Variants in BRD4 observed in about 807,000 individuals in gnomAD.
The protein encoded by BRD4 is bromodomain containing 4.
BRD4 carries 16 observed loss-of-function variants against 142.1 expected under a neutral mutation model. That is an observed-to-expected ratio of 0.11 (90% CI 0.08 to 0.17). The LOEUF is 0.17. Ranked by LOEUF, BRD4 falls within the 10% of genes least tolerant of loss-of-function variation. The pLI, the probability that BRD4 is intolerant of heterozygous loss-of-function variation, is 1.00. For synonymous variants in BRD4, 833 were observed against 707.5 expected, an observed-to-expected ratio of 1.18 and a Z score of -2.82; for missense variants, 1,424 against 1,810.9, an observed-to-expected ratio of 0.79 and a Z score of 3.88.
chr19:15,317,012 A>G (rs1024949957), intron 1 of BRD4, among the ~76,000 whole-genome samples: 4 of 152,214 alleles, frequency 2.6e-5, no homozygotes, highest in African/African-American at 9.7e-5. Flanking sequence ...CCCTGTGCTC[A>G]CTACGTATCA....
At chr19:15,266,231 A>C (rs1279906298) in intron 4 of BRD4, among the ~76,000 whole-genome samples, 1 of 152,218 alleles carries the variant, frequency 6.6e-6, no homozygotes, top group Non-Finnish European at 1.5e-5. Flanking sequence ...GTGAGGGGTT[A>C]TGGCCAGAGC....
intron 1 of BRD4, among the ~76,000 whole-genome samples, chr19:15,305,143 C>G (rs920649573): frequency 2.0e-5 from 3 of 151,786 alleles, no homozygotes; most frequent in Non-Finnish European, 4.4e-5. Flanking sequence ...CTCAGCCTCC[C>G]GAGTAGCTGG....
chr19:15,300,811 A>G (rs2047860959), intron 1 of BRD4, among the ~76,000 whole-genome samples: 1 of 152,184 alleles, frequency 6.6e-6, no homozygotes, highest in Non-Finnish European at 1.5e-5. Context: ...GCAACGACTA[A>G]AACTCTCATC....
chr19:15,276,858 TGGA>T (rs942362969), intron 1 of BRD4, among the ~76,000 whole-genome samples: 1 of 151,948 alleles, frequency 6.6e-6, no homozygotes, highest in African/African-American at 2.4e-5. Context: ...GTGAATACTG[TGGA>T]GGAGAAGGGC....
At chr19:15,332,255 TG>T (rs2048168480) in intron 1 of BRD4, 34 bp downstream of exon 1, 1 of 145,370 alleles carries the variant, frequency 6.9e-6, no homozygotes, top group Admixed American at 6.8e-5. Flanking sequence ...AGCCGCCCAG[TG>T]TCGTCCGCCG....
In BRD4 at chr19:15,255,463, G is replaced by T; in HGVS notation, c.1881C>A (p.Gly627=). The change falls in exon 10 of 20, where the codon GGC becomes GGA. Residue 627 remains glycine, a synonymous_variant. Coordinates refer to ENST00000679869, the MANE Select transcript of BRD4 (RefSeq NM_001379291.1). ...QLSLDINKLP[G]EKLGRVVHII... is the part of the protein sequence containing the mutation. ...TGTGCACCACGCGGCCCAGCTTCTCGCCGGGGAGCTTGTTGATGTCCAAGC... is the reference window on the plus strand; with the variant it reads ...TGTGCACCACGCGGCCCAGCTTCTCTCCGGGGAGCTTGTTGATGTCCAAGC... 1 of 1,614,164 alleles carries T rather than the reference G, an allele frequency of 6.2e-7. No homozygotes were observed. The highest frequency in any genetic ancestry group is 8.5e-7 in the Non-Finnish European group (1 of 1,180,028).
intron 1 of BRD4, among the ~76,000 whole-genome samples, chr19:15,319,839 G>A (rs1234760853): frequency 6.6e-6 from 1 of 152,102 alleles, no homozygotes; most frequent in Non-Finnish European, 1.5e-5. Context: ...GGAAGCTGAG[G>A]TGGGAGGATT....
intron 2 of BRD4, among the ~76,000 whole-genome samples, chr19:15,271,854 C>A (rs1287865719): frequency 6.9e-6 from 1 of 144,524 alleles, no homozygotes; most frequent in Non-Finnish European, 1.5e-5. Flanking sequence ...TTCTTACAGA[C>A]ACAATGACTT....
At chr19:15,322,697 CAAAAAAAA>C (rs78397797) in intron 1 of BRD4, among the ~76,000 whole-genome samples, 5 of 92,266 alleles carry the variant, frequency 5.4e-5, no homozygotes, top group African/African-American at 1.7e-4. Flanking sequence ...CTAAAAAATA[CAAAAAAAA>C]AAAAAAAAAA....
chr19:15,245,008 C>A, intron 11 of BRD4: 3 of 665,006 alleles, frequency 4.5e-6, no homozygotes, highest in Non-Finnish European at 7.4e-6. Flanking sequence ...CCTCCCCTGC[C>A]AAGCTTCAGA....
chr19:15,311,814 C>T (rs934582711), intron 1 of BRD4, among the ~76,000 whole-genome samples: 79 of 151,786 alleles, frequency 5.2e-4, no homozygotes, highest in East Asian at 1.9e-4. Flanking sequence ...AACAAACAAA[C>T]GAAAAATACT....
In BRD4 at chr19:15,238,482, C is replaced by G; in HGVS notation, c.4021-37G>C. 6.2e-7 allele frequency: 1 copy of G among 1,613,176 alleles called. No individual in the cohort carries two copies. The highest frequency in any genetic ancestry group is 1.3e-5 in the African/African-American group (1 of 75,038). On this transcript the variant is annotated intron_variant, in intron 19 of 19. Transcript: ENST00000679869. The surrounding 1 kb of genome is among the most constrained non-coding windows in gnomAD (Gnocchi z 7.2). Reference sequence around the variant, plus strand: ...AGGAAGGAGGGAGTCAGGAGGATGACCTAGCCACCCTGCAGCTACAAGCCC... The same window carrying G: ...AGGAAGGAGGGAGTCAGGAGGATGAGCTAGCCACCCTGCAGCTACAAGCCC...
intron 10 of BRD4, among the ~76,000 whole-genome samples, chr19:15,254,704 C>T (rs933377064): frequency 6.6e-6 from 1 of 152,044 alleles, no homozygotes; most frequent in African/African-American, 2.4e-5. Flanking sequence ...TTCAGACGCA[C>T]GCTGGAATCA....
chr19:15,291,957 C>CA (rs1173977075), intron 1 of BRD4, among the ~76,000 whole-genome samples: 1 of 152,172 alleles, frequency 6.6e-6, no homozygotes, highest in Non-Finnish European at 1.5e-5. Context: ...ATGATGTCAG[C>CA]AATCCTTAGG....
At chr19:15,280,162 C>A in intron 1 of BRD4, 2 of 761,970 alleles carry the variant, frequency 2.6e-6, no homozygotes, top group East Asian at 9.3e-5. Flanking sequence ...CATCATCATC[C>A]CCATGGGGAC....
chr19:15,302,963 G>A (rs962866807), intron 1 of BRD4, among the ~76,000 whole-genome samples: 4 of 147,912 alleles, frequency 2.7e-5, no homozygotes, highest in Admixed American at 6.8e-5. Context: ...AGCCGAGATC[G>A]CGCCACTGCA....
At chr19:15,332,099 C>A (rs1472978181) in intron 1 of BRD4, among the ~76,000 whole-genome samples, 191 bp downstream of exon 1, 3 of 146,420 alleles carry the variant, frequency 2.0e-5, no homozygotes, top group African/African-American at 4.9e-5. Flanking sequence ...CGCCCCGGCC[C>A]GGAACGAACG....
rs541097310 is a variant in BRD4, at chr19:15,276,227, C to A, written c.-34-3094G>T. 9.2e-5 allele frequency among the ~76,000 whole-genome samples: 14 copies of A among 152,288 alleles called. No homozygotes were observed. The South Asian group carries it at 2.9e-3, about 32-fold the overall frequency. On this transcript the variant is annotated intron_variant, in intron 1 of 19. Coordinates refer to ENST00000679869, the MANE Select transcript of BRD4 (RefSeq NM_001379291.1). Reference sequence around the variant, plus strand: ...GCAATGACAAGAAACATGAGGAAAACCAACCACTTCTAGTCTGTTATGGGG... The same window carrying A: ...GCAATGACAAGAAACATGAGGAAAAACAACCACTTCTAGTCTGTTATGGGG...
Position 15,238,231 on chromosome 19 carries a change from G to T in BRD4, c.*146C>A. 1 of 1,361,146 alleles carries T rather than the reference G, an allele frequency of 7.3e-7. No individual in the cohort carries two copies. The highest frequency in any genetic ancestry group is 9.9e-7 in the Non-Finnish European group (1 of 1,007,660). 84.3% of individuals were successfully genotyped at this position (1,361,146 alleles called of 1,614,324 possible). On this transcript the variant is annotated 3_prime_UTR_variant, in exon 20 of 20. Transcript: ENST00000679869. The surrounding 1 kb of genome is among the most constrained non-coding windows in gnomAD (Gnocchi z 7.2). ...CAGGCTCTGCAATCCTCAGCTGCCC[G>T]TCAGGCCTGCCCCGGGCATAGCATG...
Sources: allele counts gnomAD v4.1 joint callset (sites outside exome capture counted in the v4.1 genomes callset), GRCh38; gene constraint gnomAD v4.1.1; non-coding constraint Gnocchi (gnomAD v3.1); transcripts MANE v1.5; gene names NCBI Gene and HGNC (gene_info 2026-07-23, HGNC 2026-07-21).